Variants in GFRA1 observed in about 807,000 individuals in gnomAD.
GFRA1 encodes the protein GDNF family receptor alpha-1.
GFRA1 carries 16 observed loss-of-function variants against 51.6 expected under a neutral mutation model. That is an observed-to-expected ratio of 0.31 (90% CI 0.21 to 0.47). The LOEUF (loss-of-function observed/expected upper bound fraction) is 0.47. GFRA1 is among the 20% of genes least tolerant of loss of function. The pLI is 1.00. For missense variants in GFRA1, 530 were observed against 594.3 expected (o/e 0.89, Z 1.13); for synonymous variants, 270 against 241.3 (o/e 1.12, Z -1.10).
chr10:116,271,170 C>T (rs1014365768), intron 2 of GFRA1, 55 bp from the exon 3 acceptor site: 2 of 1,504,900 alleles, frequency 1.3e-6, no homozygotes, highest in Non-Finnish European at 1.8e-6. Flanking sequence ...CCCGGCCGCC[C>T]CTGCTCCGGG....
At chr10:116,246,702 A>C (rs998960274) in intron 4 of GFRA1, among the ~76,000 whole-genome samples, 2 of 152,240 alleles carry the variant, frequency 1.3e-5, no homozygotes, top group African/African-American at 4.8e-5. Context: ...GCAAAATAGC[A>C]ATTAGTAAAT....
At chr10:116,131,586 A>T (rs1958104368) in intron 5 of GFRA1, among the ~76,000 whole-genome samples, 1 of 152,220 alleles carries the variant, frequency 6.6e-6, no homozygotes, top group South Asian at 2.1e-4. Flanking sequence ...AAATAAGAAG[A>T]GATGAACTGT....
intron 5 of GFRA1, among the ~76,000 whole-genome samples, chr10:116,131,528 C>A (rs564962227): frequency 6.6e-6 from 1 of 152,066 alleles, no homozygotes; most frequent in South Asian, 2.1e-4. Context: ...GAAAATGGCT[C>A]AACAAACTGT....
At chr10:116,093,245 A>AGAG (rs1055477524) in intron 8 of GFRA1, among the ~76,000 whole-genome samples, 4 of 152,156 alleles carry the variant, frequency 2.6e-5, no homozygotes, top group African/African-American at 9.7e-5. Flanking sequence ...TTTTTCTCAG[A>AGAG]GAGTCCTTGG....
chr10:116,059,890 T>G lies in GFRA1; in HGVS notation c.*4508A>C, dbSNP rs982673997. The G allele has an allele frequency of 1.3e-5, 2 of 152,320 alleles. No individual in the cohort carries two copies. Among genetic ancestry groups the G allele is most frequent in the Admixed American group, 1.3e-4 (2 of 15,302 alleles). The allele number at this position is 152,320 out of a possible 1,614,324, so 9.4% of individuals were successfully genotyped here. On this transcript the variant is annotated 3_prime_UTR_variant, in exon 11 of 11. Transcript: ENST00000355422. ...GCTCCTGAGAGAGGCTTCTCTGTCT[T>G]AAAATATATCTGTTGGAACAAAAAT... is the stretch of plus-strand genomic sequence containing the variant.
intron 4 of GFRA1, among the ~76,000 whole-genome samples, chr10:116,254,331 A>AAG (rs919654286): frequency 6.6e-6 from 1 of 150,514 alleles, no homozygotes; most frequent in Non-Finnish European, 1.5e-5. Flanking sequence ...AAAAAAAAAA[A>AAG]AAAAGAAAGA....
At chr10:116,199,533 A>G (rs187343016) in intron 5 of GFRA1, among the ~76,000 whole-genome samples, 1 of 152,332 alleles carries the variant, frequency 6.6e-6, no homozygotes, top group Admixed American at 6.5e-5. Context: ...ATGTTGCTTT[A>G]CCACAAATCT....
intron 5 of GFRA1, among the ~76,000 whole-genome samples, chr10:116,156,376 G>C (rs987735451): frequency 1.3e-5 from 2 of 152,122 alleles, no homozygotes; most frequent in Non-Finnish European, 2.9e-5. Flanking sequence ...ATTTTATTTT[G>C]CATGTTTCAT....
At chr10:116,130,678 T>C (rs1200613177) in intron 5 of GFRA1, among the ~76,000 whole-genome samples, 2 of 152,000 alleles carry the variant, frequency 1.3e-5, no homozygotes, top group Admixed American at 6.5e-5. Flanking sequence ...TTTCAACATA[T>C]GGTACTAGAA....
chr10:116,092,132 C>CACACACACACACAT (rs1956373372), intron 8 of GFRA1, among the ~76,000 whole-genome samples: 1 of 151,148 alleles, frequency 6.6e-6, no homozygotes, highest in Non-Finnish European at 1.5e-5. Flanking sequence ...CACACACACA[C>CACACACACACACAT]ACACACATTT....
chr10:116,219,806 A>G (rs4611119), intron 4 of GFRA1, among the ~76,000 whole-genome samples: 1 of 152,026 alleles, frequency 6.6e-6, no homozygotes, highest in South Asian at 2.1e-4. Context: ...ATGACGTAAC[A>G]CTACTACTGG....
chr10:116,084,751 TTAAA>T (rs151338963), intron 9 of GFRA1, among the ~76,000 whole-genome samples: 18,014 of 145,302 alleles, frequency 0.12, 1,148 homozygotes, highest in Non-Finnish European at 0.14. Flanking sequence ...GATATTTACT[TTAAA>T]TAAGTAACAC....
chr10:116,084,761 A>C (rs960606972), intron 9 of GFRA1, among the ~76,000 whole-genome samples: 1 of 140,088 alleles, frequency 7.1e-6, no homozygotes, highest in Non-Finnish European at 1.6e-5. Context: ...TTAAATAAGT[A>C]ACACACACAC....
intron 5 of GFRA1, among the ~76,000 whole-genome samples, chr10:116,148,565 G>A (rs1011776496): frequency 6.6e-5 from 10 of 152,122 alleles, no homozygotes; most frequent in Admixed American, 4.6e-4. Flanking sequence ...CATAGCAGAC[G>A]CCAATAGTCT....
chr10:116,252,934 A>T (rs1029458642), intron 4 of GFRA1, among the ~76,000 whole-genome samples: 2 of 152,210 alleles, frequency 1.3e-5, no homozygotes, highest in Admixed American at 6.5e-5. Flanking sequence ...CCAAATCTAC[A>T]TCCTTTCTGC....
chr10:116,082,934 T>C (rs546847616), intron 9 of GFRA1, among the ~76,000 whole-genome samples: 4 of 152,300 alleles, frequency 2.6e-5, no homozygotes, highest in Non-Finnish European at 4.4e-5. Context: ...ATGCCAATAG[T>C]GGAGGCCACT....
intron 5 of GFRA1, among the ~76,000 whole-genome samples, chr10:116,209,190 C>T (rs577190410): frequency 4.6e-5 from 7 of 152,326 alleles, no homozygotes; most frequent in African/African-American, 1.7e-4. Flanking sequence ...GCACATGCCA[C>T]AGACACAGCA....
chr10:116,099,451 C>G (rs889243172), intron 6 of GFRA1, among the ~76,000 whole-genome samples: 7 of 152,168 alleles, frequency 4.6e-5, no homozygotes, highest in Admixed American at 2.0e-4. Flanking sequence ...GGCTTCCTCT[C>G]CCATCCCCAG....
At chr10:116,140,646 G>A (rs185599928) in intron 5 of GFRA1, among the ~76,000 whole-genome samples, 104 of 152,148 alleles carry the variant, frequency 6.8e-4, no homozygotes, top group Non-Finnish European at 1.3e-3. Context: ...ATTCATTTCT[G>A]GTATGAGGTC....
Sources: allele counts gnomAD v4.1 joint callset (sites outside exome capture counted in the v4.1 genomes callset), GRCh38; gene constraint gnomAD v4.1.1; transcripts MANE v1.5; gene names NCBI Gene and HGNC (gene_info 2026-07-23, HGNC 2026-07-21).